The following SH3D19 variants were observed in gnomAD, a reference collection of about 807,000 sequenced individuals.
SH3D19 encodes SH3 domain-containing protein 19.
In SH3D19, 58 loss-of-function variants were observed where a neutral mutation model predicts 112.1. The observed-to-expected ratio is 0.52, with a 90% CI of 0.42 to 0.64. The LOEUF (loss-of-function observed/expected upper bound fraction) is 0.64, where lower values mean the gene tolerates loss of function less well. SH3D19 is among the 30% of genes least tolerant of loss of function. The pLI is 0.00. For missense variants in SH3D19, 1,090 were observed against 1,263.4 expected, an observed-to-expected ratio of 0.86 and a Z score of 2.08; for synonymous variants, 391 against 448.5, an observed-to-expected ratio of 0.87 and a Z score of 1.62.
intron 12 of SH3D19, 153 bp from the exon 13 acceptor site, chr4:151,140,000 A>C: frequency 1.8e-6 from 1 of 563,358 alleles, no homozygotes; most frequent in Middle Eastern, 3.0e-4. Context: ...GAGCCAAACA[A>C]GGGAATTATT....
At chr4:151,273,215 A>T (rs1223751987) in intron 1 of SH3D19, among the ~76,000 whole-genome samples, 2 of 152,124 alleles carry the variant, frequency 1.3e-5, no homozygotes, top group Admixed American at 1.3e-4. Context: ...CATTTAAACA[A>T]AGGAGAGGAG....
chr4:151,298,043 G>A (rs1325503582), intron 1 of SH3D19, among the ~76,000 whole-genome samples: 2 of 152,072 alleles, frequency 1.3e-5, no homozygotes, highest in African/African-American at 4.8e-5. Context: ...CAATACAGGT[G>A]GCCACTAGGA....
At position 151,139,853 on chromosome 4, in the gene SH3D19, G is replaced by C. The variant is rs773447986; in HGVS notation, c.2224-6C>G. The C allele has an allele frequency of 1.6e-5, 26 of 1,613,748 alleles. No homozygotes were observed. Among genetic ancestry groups the C allele is most frequent in the Non-Finnish European group, 1.8e-5 (21 of 1,179,828 alleles). ...TTCTGAGCGTGGCTTGGATCCTTAGGGGGAGAAAAGGGCTGTGAATGAAGT... is the reference window on the plus strand; with the variant it reads ...TTCTGAGCGTGGCTTGGATCCTTAGCGGGAGAAAAGGGCTGTGAATGAAGT... On this transcript the variant is annotated splice_polypyrimidine_tract_variant and splice_region_variant and intron_variant, in intron 12 of 19. Coordinates refer to ENST00000604030, the MANE Select transcript of SH3D19 (RefSeq NM_001378122.1).
At chr4:151,200,255 T>C (rs1040623858) in intron 2 of SH3D19, among the ~76,000 whole-genome samples, 1 of 151,796 alleles carries the variant, frequency 6.6e-6, no homozygotes, top group Admixed American at 6.6e-5. Flanking sequence ...TACATACACA[T>C]ACACACACAC....
chr4:151,237,440 C>G (rs1458530619), intron 1 of SH3D19, among the ~76,000 whole-genome samples: 1 of 152,164 alleles, frequency 6.6e-6, no homozygotes, highest in Non-Finnish European at 1.5e-5. Flanking sequence ...GTGTCTACTA[C>G]TGGGGTGTGC....
intron 1 of SH3D19, among the ~76,000 whole-genome samples, chr4:151,292,126 T>C (rs1455997341): frequency 6.6e-5 from 10 of 152,144 alleles, no homozygotes; most frequent in African/African-American, 2.4e-4. Flanking sequence ...ACACAGCCCC[T>C]GTCTCTACAA....
At chr4:151,226,317 T>A (rs1303159997) in intron 1 of SH3D19, 7 of 1,188,050 alleles carry the variant, frequency 5.9e-6, no homozygotes, top group Non-Finnish European at 7.3e-6. Flanking sequence ...ACTTGGAAAA[T>A]GCATCATTAC....
chr4:151,152,859 G>A (rs866444537), intron 9 of SH3D19, among the ~76,000 whole-genome samples: 1 of 150,780 alleles, frequency 6.6e-6, no homozygotes, highest in Non-Finnish European at 1.5e-5. Context: ...TATTTGAGAC[G>A]TAGTCTTGTT....
chr4:151,191,759 C>T (rs906655830), intron 2 of SH3D19, among the ~76,000 whole-genome samples: 2 of 151,732 alleles, frequency 1.3e-5, no homozygotes, highest in African/African-American at 2.4e-5. Flanking sequence ...CATTCTCCTG[C>T]CTCAGCTTCC....
intron 1 of SH3D19, chr4:151,280,007 T>G: frequency 7.9e-7 from 1 of 1,268,282 alleles, no homozygotes; most frequent in Non-Finnish European, 1.0e-6. Flanking sequence ...CAGTGAATAT[T>G]TGCATCACTT....
intron 1 of SH3D19, among the ~76,000 whole-genome samples, chr4:151,229,147 C>T (rs1438403431): frequency 6.6e-6 from 1 of 151,578 alleles, no homozygotes; most frequent in Non-Finnish European, 1.5e-5. Context: ...GTTGGGATTG[C>T]AGGCATGAGC....
intron 1 of SH3D19, among the ~76,000 whole-genome samples, chr4:151,319,782 C>T (rs1730358043): frequency 6.6e-6 from 1 of 152,156 alleles, no homozygotes; most frequent in African/African-American, 2.4e-5. Flanking sequence ...GTTGTGAAAG[C>T]CCTTCATAAA....
intron 2 of SH3D19, 138 bp from the exon 3 acceptor site, chr4:151,187,601 T>A (rs1299943909): frequency 1.2e-5 from 5 of 434,262 alleles, no homozygotes; most frequent in African/African-American, 1.0e-4. Flanking sequence ...CTATCCTCTT[T>A]AAAAATCAAA....
intron 1 of SH3D19, among the ~76,000 whole-genome samples, chr4:151,319,082 C>T (rs1419191702): frequency 6.6e-6 from 1 of 152,182 alleles, no homozygotes; most frequent in Non-Finnish European, 1.5e-5. Context: ...CAGAGTTTCA[C>T]TCTTGTTGTC....
chr4:151,233,129 G>T (rs1215341268), intron 1 of SH3D19, among the ~76,000 whole-genome samples: 3 of 151,718 alleles, frequency 2.0e-5, no homozygotes, highest in Non-Finnish European at 2.9e-5. Flanking sequence ...AGAATCTAAT[G>T]TCTGATGATC....
At chr4:151,205,434 T>C (rs1418813968) in intron 2 of SH3D19, among the ~76,000 whole-genome samples, 1 of 152,174 alleles carries the variant, frequency 6.6e-6, no homozygotes, top group Admixed American at 6.5e-5. Flanking sequence ...ACCATCCCCC[T>C]GATGGTTGTC....
intron 2 of SH3D19, among the ~76,000 whole-genome samples, chr4:151,213,267 A>C (rs1766268871): frequency 6.6e-6 from 1 of 152,232 alleles, no homozygotes; most frequent in Non-Finnish European, 1.5e-5. Flanking sequence ...TGTAGGTAAA[A>C]TGGTATCAAA....
intron 1 of SH3D19, among the ~76,000 whole-genome samples, chr4:151,269,125 T>C (rs1399301170): frequency 6.6e-6 from 1 of 152,258 alleles, no homozygotes; most frequent in Non-Finnish European, 1.5e-5. Context: ...TTTCTAATGA[T>C]TGCCATTCTA....
At chr4:151,142,629 G>C (rs1753194651) in intron 12 of SH3D19, among the ~76,000 whole-genome samples, 1 of 152,096 alleles carries the variant, frequency 6.6e-6, no homozygotes, top group South Asian at 2.1e-4. Context: ...CCATGTACCA[G>C]GCAACAACCT....
Sources: gnomAD v4.1 joint callset for allele counts (sites outside exome capture counted in the v4.1 genomes callset) on GRCh38, gnomAD v4.1.1 for gene constraint, MANE v1.5 for transcripts, NCBI Gene and HGNC (gene_info 2026-07-23, HGNC 2026-07-21) for gene names.